CDKL3: variants seen among roughly 807,000 people sequenced by gnomAD.
CDKL3 encodes cyclin dependent kinase like 3.
Under a neutral mutation model 69.3 loss-of-function variants are expected in CDKL3, and 65 were observed. That is an observed-to-expected ratio of 0.94 (90% CI 0.77 to 1.15). The LOEUF is 1.15. CDKL3 is among the 50% of genes most tolerant of loss of function. The pLI is 0.00. For missense variants in CDKL3, 652 were observed against 689.2 expected (o/e 0.95, Z 0.61); for synonymous variants, 202 against 221.6 (o/e 0.91, Z 0.79).
intron 4 of CDKL3, 140 bp from the exon 5 acceptor site, chr5:134,322,043 C>G: frequency 1.7e-6 from 1 of 605,704 alleles, no homozygotes; most frequent in Non-Finnish European, 2.9e-6. Flanking sequence ...TTTTCGAGAC[C>G]GAGTCTTGCT....
Position 134,298,574 on chromosome 5 carries a change from T to A in CDKL3, c.*77A>T. ...ATGGCTGTCTTAACAACAACTCACA[T>A]CACACTTCTATTGTAGATAAATAAA... On this transcript the variant is annotated 3_prime_UTR_variant, in exon 13 of 13. Coordinates refer to ENST00000265334, the MANE Select transcript of CDKL3 (RefSeq NM_001113575.2). 6.4e-7 allele frequency: 1 copy of A among 1,555,456 alleles called. No homozygotes were observed. The highest frequency in any genetic ancestry group is 8.7e-7 in the Non-Finnish European group (1 of 1,153,544).
chr5:134,351,332 T>G (rs2149603976), intron 3 of CDKL3, among the ~76,000 whole-genome samples: 1 of 152,310 alleles, frequency 6.6e-6, no homozygotes, highest in South Asian at 2.1e-4. Flanking sequence ...GGAGCCACTT[T>G]TGTCACTTGG....
At chr5:134,330,369 G>A (rs948747800) in intron 4 of CDKL3, among the ~76,000 whole-genome samples, 1 of 152,164 alleles carries the variant, frequency 6.6e-6, no homozygotes, top group Non-Finnish European at 1.5e-5. Flanking sequence ...TGGTCATGGT[G>A]GAGATGGACA....
At chr5:134,332,874 C>T (rs576518211) in intron 4 of CDKL3, among the ~76,000 whole-genome samples, 1 of 152,272 alleles carries the variant, frequency 6.6e-6, no homozygotes, top group South Asian at 2.1e-4. Context: ...AATCTATAAA[C>T]TACCTTGGCC....
At chr5:134,297,887 AGTTTGTGT>A (rs1333133935), downstream of CDKL3, among the ~76,000 whole-genome samples, 11 of 121,482 alleles carry the variant, frequency 9.1e-5, no homozygotes, top group South Asian at 2.8e-3. Flanking sequence ...AACCATGAAT[AGTTTGTGT>A]GTGTGTGTGT....
chr5:134,318,518 C>T lies in CDKL3; in HGVS notation c.792+840G>A, dbSNP rs146920631. Among the ~76,000 whole-genome samples the T allele has an allele frequency of 6.5e-3, 990 of 152,232 alleles. 10 individuals carry two copies. The highest frequency in any genetic ancestry group is 0.022 in the African/African-American group (909 of 41,540). ...GTTGTTTTTTTGAGACGGAGCCTCT[C>T]TCTGTCACCCACGCTGGAGTACAAT... On this transcript the variant is annotated intron_variant, in intron 6 of 12. Transcript: ENST00000265334.
chr5:134,322,775 T>C (rs776063460), intron 4 of CDKL3, among the ~76,000 whole-genome samples: 3 of 151,648 alleles, frequency 2.0e-5, no homozygotes, highest in Non-Finnish European at 4.4e-5. Context: ...AGGTCAGGAG[T>C]TCGAGACAAG....
chr5:134,366,281 C>T (rs747238981), intron 2 of CDKL3, 78 bp downstream of exon 2: 18 of 1,034,614 alleles, frequency 1.7e-5, no homozygotes, highest in Non-Finnish European at 2.3e-5. Flanking sequence ...TACGTGTGAA[C>T]TAAAATATTT....
At position 134,308,322 on chromosome 5, in the gene CDKL3, T is replaced by A; in HGVS notation, c.1180A>T (p.Met394Leu). Residue 394 changes from methionine (M) to leucine (L), a missense_variant, in exon 9 of 13, where the codon ATG (methionine) becomes TTG (leucine). Coordinates refer to ENST00000265334, the MANE Select transcript of CDKL3 (RefSeq NM_001113575.2). ...QQDANENVHP[M>L]SPDTKLVTIE... is the part of the protein sequence containing the mutation. The stretch of plus-strand genomic sequence containing the variant: ...GTTACAAGTTTTGTATCTGGAGACA[T>A]AGGATGAACATTTTCATTTGCATCC... 6.2e-7 allele frequency: 1 copy of A among 1,613,978 alleles called. No homozygotes were observed. The highest frequency in any genetic ancestry group is 8.5e-7 in the Non-Finnish European group (1 of 1,179,858).
upstream of CDKL3, among the ~76,000 whole-genome samples, chr5:134,370,202 T>C (rs2149686100): frequency 6.6e-6 from 1 of 152,304 alleles, no homozygotes. Flanking sequence ...CCTGTTGAAC[T>C]GAACAGTTCC....
chr5:134,319,366 T>C lies in CDKL3; in HGVS notation c.784A>G (p.Ile262Val). The change falls in exon 6 of 13, where the codon ATA (isoleucine) becomes GTA (valine). Residue 262 changes from isoleucine (I) to valine (V), a missense_variant. Transcript: ENST00000265334. ...AAAAAAAAAAAACATACATGAACTA[T>C]ATCTGCCAACAATCCATTAAGCTTT... The part of the protein sequence containing the change: ...YPKLNGLLAD[I>V]VHACLQIDPA... 2 of 1,515,334 alleles carry C rather than the reference T, an allele frequency of 1.3e-6. No homozygotes were observed. Among genetic ancestry groups the C allele is most frequent in the South Asian group, 1.3e-5 (1 of 76,988 alleles). The allele number at this position is 1,515,334 out of a possible 1,614,324, so 93.9% of individuals were successfully genotyped here.
upstream of CDKL3, among the ~76,000 whole-genome samples, chr5:134,370,080 T>A (rs530232570): frequency 1.8e-4 from 27 of 152,302 alleles, no homozygotes; most frequent in South Asian, 5.6e-3. Flanking sequence ...AGAGAGGGAA[T>A]TCAGGGTTTG....
Position 134,319,492 on chromosome 5 carries a change from A to C in CDKL3, c.658T>G (p.Leu220Val), listed in dbSNP as rs1772167459. The C allele has an allele frequency of 5.2e-6, 8 of 1,523,868 alleles. No individual in the cohort carries two copies. The highest frequency in any genetic ancestry group is 7.0e-6 in the Non-Finnish European group (8 of 1,139,216). 94.4% of individuals were successfully genotyped at this position (1,523,868 alleles called of 1,614,324 possible). A position where few individuals can be genotyped will look rare whatever the true frequency, so the allele number is the denominator to read the frequency against. Residue 220 changes from leucine to valine, a missense_variant, in exon 6 of 13, where the codon TTG becomes GTG. By Grantham distance (32) the Leu-to-Val change is conservative (BLOSUM62 1). Coordinates refer to ENST00000265334, the MANE Select transcript of CDKL3 (RefSeq NM_001113575.2). ...AAGATATTCTGCAAGTGAGGTGACA[A>C]ATTGCCTGAAAAGAGAAAAAAATGT... ...LHKIVLKVGNLSPHLQNIFSK... is the reference protein window; with the variant it reads ...LHKIVLKVGNVSPHLQNIFSK...
chr5:134,359,279 C>T (rs570431984), intron 3 of CDKL3, among the ~76,000 whole-genome samples: 26 of 152,092 alleles, frequency 1.7e-4, no homozygotes, highest in African/African-American at 6.0e-4. Flanking sequence ...GCCTGGGCAA[C>T]GAGAGCAAAA....
intron 3 of CDKL3, among the ~76,000 whole-genome samples, chr5:134,356,612 C>T (rs749581364): frequency 6.6e-5 from 10 of 151,956 alleles, no homozygotes; most frequent in African/African-American, 2.4e-5. Flanking sequence ...GGTGAAACCC[C>T]GACTCTACTA....
At chr5:134,322,196 T>C (rs1267486544) in intron 4 of CDKL3, among the ~76,000 whole-genome samples, 2 of 152,020 alleles carry the variant, frequency 1.3e-5, no homozygotes, top group African/African-American at 2.4e-5. Context: ...GTATTTTTAG[T>C]AGAGATGGGG....
chr5:134,297,251 A>G (rs1311701966), downstream of CDKL3, among the ~76,000 whole-genome samples: 2 of 151,932 alleles, frequency 1.3e-5, no homozygotes, highest in East Asian at 1.9e-4. Flanking sequence ...CGTGCCCAGC[A>G]AGAGTGTGAT....
At chr5:134,283,396 G>A (rs1204804161), downstream of CDKL3, among the ~76,000 whole-genome samples, 1 of 152,144 alleles carries the variant, frequency 6.6e-6, no homozygotes, top group East Asian at 1.9e-4. Context: ...GGCTGGGGAG[G>A]CTTCACAATC....
chr5:134,295,401 A>C (rs1219100033), downstream of CDKL3, among the ~76,000 whole-genome samples: 1 of 152,134 alleles, frequency 6.6e-6, no homozygotes, highest in East Asian at 1.9e-4. Context: ...TTTTTGTAGA[A>C]ATTGACTCCT....
Sources: gnomAD v4.1 joint callset for allele counts (sites outside exome capture counted in the v4.1 genomes callset) on GRCh38, gnomAD v4.1.1 for gene constraint, MANE v1.5 for transcripts, NCBI Gene and HGNC (gene_info 2026-07-23, HGNC 2026-07-21) for gene names.